SCMH1: variants seen among roughly 807,000 people sequenced by gnomAD.
The protein encoded by SCMH1 is polycomb protein SCMH1.
SCMH1 carries 37 observed loss-of-function variants against 70.8 expected under a neutral mutation model. The observed-to-expected ratio is 0.52, with a 90% CI of 0.40 to 0.69. The LOEUF (loss-of-function observed/expected upper bound fraction) is 0.69, where lower values mean the gene tolerates loss of function less well. SCMH1 is among the 30% of genes least tolerant of loss of function. SCMH1 has a pLI of 0.00. For synonymous variants in SCMH1, 292 were observed against 307.4 expected, an observed-to-expected ratio of 0.95 and a Z score of 0.52; for missense variants, 607 against 827.3, an observed-to-expected ratio of 0.73 and a Z score of 3.27.
intron 1 of SCMH1, among the ~76,000 whole-genome samples, chr1:41,190,646 T>C (rs1651473391): frequency 6.6e-6 from 1 of 152,190 alleles, no homozygotes; most frequent in Admixed American, 6.5e-5. Flanking sequence ...TGTGCAAGTT[T>C]AGGTTTTGTA....
intron 1 of SCMH1, among the ~76,000 whole-genome samples, chr1:41,214,231 A>G (rs1409500703): frequency 6.6e-6 from 1 of 152,168 alleles, no homozygotes; most frequent in Admixed American, 6.6e-5. Flanking sequence ...ATCTAAAAAC[A>G]TTTATCATTT....
intron 12 of SCMH1, among the ~76,000 whole-genome samples, chr1:41,046,075 C>A (rs181517979): frequency 4.3e-4 from 65 of 152,164 alleles, no homozygotes; most frequent in Non-Finnish European, 8.7e-4. Context: ...CCTTTGCTGC[C>A]AGGTTCACAC....
chr1:41,177,238 G>T (rs1011141166), intron 2 of SCMH1, among the ~76,000 whole-genome samples: 7 of 152,158 alleles, frequency 4.6e-5, no homozygotes, highest in African/African-American at 1.7e-4. Context: ...AACCCCATCT[G>T]TACGTCACCA....
chr1:41,036,480 C>T (rs1404696689), intron 13 of SCMH1, among the ~76,000 whole-genome samples: 1 of 152,230 alleles, frequency 6.6e-6, no homozygotes, highest in South Asian at 2.1e-4. Context: ...TCTCTCTTCT[C>T]CAAACCTTCT....
intron 5 of SCMH1, among the ~76,000 whole-genome samples, chr1:41,143,420 T>C (rs768760368): frequency 2.7e-4 from 41 of 152,200 alleles, no homozygotes; most frequent in Non-Finnish European, 2.9e-4. Context: ...GTAGGGACTT[T>C]TAATCCCTTT....
At chr1:41,054,505 C>T (rs894000255) in intron 10 of SCMH1, among the ~76,000 whole-genome samples, 7 of 152,100 alleles carry the variant, frequency 4.6e-5, no homozygotes, top group African/African-American at 1.7e-4. Flanking sequence ...GATTTCGACT[C>T]TAGAAAAGGA....
At chr1:41,039,846 G>C (rs1205673560) in intron 12 of SCMH1, among the ~76,000 whole-genome samples, 1 of 152,026 alleles carries the variant, frequency 6.6e-6, no homozygotes, top group African/African-American at 2.4e-5. Context: ...CAAGTAAATA[G>C]GGTTATGGGC....
chr1:41,052,351 T>C (rs762497107), intron 10 of SCMH1, among the ~76,000 whole-genome samples: 23 of 152,240 alleles, frequency 1.5e-4, no homozygotes, highest in Non-Finnish European at 2.4e-4. Context: ...TGAATCCTAT[T>C]GTAAACTGCG....
chr1:41,195,066 G>A (rs1427797633), intron 1 of SCMH1, among the ~76,000 whole-genome samples: 1 of 145,494 alleles, frequency 6.9e-6, no homozygotes, highest in African/African-American at 2.5e-5. Context: ...GGGAGGTGGA[G>A]GTTGTGGTGA....
chr1:41,089,190 T>C (rs1012665361), intron 8 of SCMH1, among the ~76,000 whole-genome samples: 1 of 152,248 alleles, frequency 6.6e-6, no homozygotes, highest in African/African-American at 2.4e-5. Flanking sequence ...AAGTTTATAT[T>C]ACCAGCTTAG....
rs567857832 is a variant in SCMH1, at chr1:41,211,472, C to T, written c.-117-25222G>A. On this transcript the variant is annotated intron_variant, in intron 1 of 14. Transcript: ENST00000337495. ...TGCAAATCAAAACCACAATGAGATACCATCTCACGCCAGTTAGAATGGCGA... is the reference window on the plus strand; with the variant it reads ...TGCAAATCAAAACCACAATGAGATATCATCTCACGCCAGTTAGAATGGCGA... 4.6e-5 allele frequency among the ~76,000 whole-genome samples: 7 copies of T among 152,314 alleles called. No homozygotes were observed. In the South Asian group the frequency reaches 1.4e-3, roughly 32 times the overall value.
At chr1:41,039,965 T>TTA (rs1553197548) in intron 12 of SCMH1, among the ~76,000 whole-genome samples, 7 of 150,666 alleles carry the variant, frequency 4.6e-5, no homozygotes, top group African/African-American at 1.5e-4. Context: ...TTTTTTTTTT[T>TTA]AAAAAAAGGA....
At chr1:41,121,839 C>T (rs982582090) in intron 6 of SCMH1, among the ~76,000 whole-genome samples, 7 of 152,184 alleles carry the variant, frequency 4.6e-5, no homozygotes, top group African/African-American at 1.7e-4. Flanking sequence ...ATAGGTGGCA[C>T]CCCTTATTAA....
At position 41,162,619 on chromosome 1, in the gene SCMH1, A is replaced by G. The variant is rs1010035740; in HGVS notation, c.14-1187T>C. Among the ~76,000 whole-genome samples the G allele has an allele frequency of 7.9e-5, 12 of 151,980 alleles. No individual in the cohort carries two copies. In the East Asian group the frequency reaches 2.3e-3, roughly 29 times the overall value. On this transcript the variant is annotated intron_variant, in intron 2 of 14. Transcript: ENST00000337495. ...ATTCTAGGGCCTCCTCTTTGCTGAG[A>G]GCTGCAGAGATGACGTGACAACCTG...
intron 8 of SCMH1, among the ~76,000 whole-genome samples, chr1:41,101,019 G>A (rs1301395239): frequency 6.6e-6 from 1 of 151,742 alleles, no homozygotes; most frequent in Non-Finnish European, 1.5e-5. Context: ...TGGGGTTGGG[G>A]AGGCGGGGAG....
At chr1:41,117,871 C>T (rs1006014288) in intron 6 of SCMH1, among the ~76,000 whole-genome samples, 2 of 152,046 alleles carry the variant, frequency 1.3e-5, no homozygotes, top group Non-Finnish European at 2.9e-5. Context: ...CACTCCTTAC[C>T]CTGCCCCTTT....
At chr1:41,046,576 A>G (rs754674653) in exon 12 of SCMH1, 1 of 1,614,056 alleles carries the variant, frequency 6.2e-7, no homozygotes, top group Non-Finnish European at 8.5e-7. Context: ...GGTTGAGGGT[A>G]TGCTGTTCCC....
intron 2 of SCMH1, among the ~76,000 whole-genome samples, chr1:41,164,218 C>CT (rs1053718175): frequency 4.6e-5 from 7 of 152,234 alleles, no homozygotes; most frequent in African/African-American, 1.7e-4. Context: ...TATACTGTGC[C>CT]TACCCCAGCA....
At chr1:41,238,502 AC>A (rs1253480989) in intron 1 of SCMH1, among the ~76,000 whole-genome samples, 5 of 151,944 alleles carry the variant, frequency 3.3e-5, no homozygotes, top group South Asian at 2.1e-4. Flanking sequence ...TGGCTATATA[AC>A]TCTCTACCCC....
Sources: allele counts gnomAD v4.1 joint callset (sites outside exome capture counted in the v4.1 genomes callset), GRCh38; gene constraint gnomAD v4.1.1; transcripts MANE v1.5; gene names NCBI Gene and HGNC (gene_info 2026-07-23, HGNC 2026-07-21).